Variants in B3GLCT observed in about 807,000 individuals in gnomAD.
B3GLCT encodes beta 3-glucosyltransferase.
In B3GLCT, 65 loss-of-function variants were observed where a neutral mutation model predicts 63.4. The observed-to-expected ratio is 1.03, with a 90% CI of 0.84 to 1.26. The LOEUF is 1.26. B3GLCT is among the 50% of genes most tolerant of loss of function. B3GLCT has a pLI of 0.00. For missense variants in B3GLCT, 577 were observed against 604.8 expected (o/e 0.95, Z 0.48); for synonymous variants, 233 against 219.2 (o/e 1.06, Z -0.55).
intron 1 of B3GLCT, among the ~76,000 whole-genome samples, chr13:31,201,084 A>G (rs1374924841): frequency 6.6e-6 from 1 of 151,866 alleles, no homozygotes; most frequent in African/African-American, 2.4e-5. Context: ...CTTGAGCGAA[A>G]AATTATTTTT....
At chr13:31,212,267 CTTTTTTTTT>C (rs59719685) in intron 1 of B3GLCT, among the ~76,000 whole-genome samples, 2 of 91,638 alleles carry the variant, frequency 2.2e-5, no homozygotes, top group Non-Finnish European at 4.1e-5. Flanking sequence ...GCATAACTGG[CTTTTTTTTT>C]TTTTTTTTTT....
chr13:31,248,358 C>T (rs1871285558), intron 6 of B3GLCT, among the ~76,000 whole-genome samples: 1 of 152,290 alleles, frequency 6.6e-6, no homozygotes, highest in South Asian at 2.1e-4. Flanking sequence ...ATACTGAGCA[C>T]TGTGGATGGC....
At chr13:31,279,355 C>T (rs192820754) in intron 10 of B3GLCT, among the ~76,000 whole-genome samples, 15 of 152,068 alleles carry the variant, frequency 9.9e-5, no homozygotes, top group African/African-American at 2.9e-4. Flanking sequence ...CAATATTCAA[C>T]GTGAGTCCTT....
intron 6 of B3GLCT, among the ~76,000 whole-genome samples, chr13:31,253,791 G>T (rs1289687279): frequency 1.3e-5 from 2 of 151,624 alleles, no homozygotes; most frequent in Non-Finnish European, 2.9e-5. Context: ...CTGCTAGCCA[G>T]ACTAATAAAG....
intron 1 of B3GLCT, among the ~76,000 whole-genome samples, chr13:31,209,684 C>T (rs971226539): frequency 1.3e-5 from 2 of 152,090 alleles, no homozygotes; most frequent in Admixed American, 6.5e-5. Context: ...GACTGCCAGT[C>T]ATTATCATTG....
chr13:31,201,423 C>T (rs983842808), intron 1 of B3GLCT, among the ~76,000 whole-genome samples: 1 of 152,108 alleles, frequency 6.6e-6, no homozygotes, highest in African/African-American at 2.4e-5. Flanking sequence ...TATTAGGGCA[C>T]CTCCGGCAGA....
rs1200433294 is a variant in B3GLCT, at chr13:31,248,091, CATT to C, written c.459+126_459+128del. The C allele has an allele frequency of 1.7e-4, 107 of 644,190 alleles. No individual in the cohort carries two copies. In the Middle Eastern group the frequency reaches 2.0e-3, roughly 12 times the overall value. The allele number at this position is 644,190 out of a possible 1,614,324, so 39.9% of individuals were successfully genotyped here. A position where few individuals can be genotyped will look rare whatever the true frequency, so the allele number is the denominator to read the frequency against. On this transcript the variant is annotated intron_variant, in intron 6 of 14. Transcript: ENST00000343307. ...TAGTTTAAAATTAAAAAGAATGAAA[CATT>C]GTTGAATATCTGAGATATGTTAAGT...
At chr13:31,301,593 C>T (rs1375886341) in intron 12 of B3GLCT, among the ~76,000 whole-genome samples, 1 of 152,200 alleles carries the variant, frequency 6.6e-6, no homozygotes, top group Admixed American at 6.5e-5. Flanking sequence ...CTTTTCATCC[C>T]CAGATCATTT....
chr13:31,246,179 T>G (rs1247120276), intron 4 of B3GLCT, among the ~76,000 whole-genome samples: 1 of 152,202 alleles, frequency 6.6e-6, no homozygotes, highest in East Asian at 1.9e-4. Flanking sequence ...TATAGTTTTA[T>G]GGCTAGTATA....
intron 1 of B3GLCT, among the ~76,000 whole-genome samples, chr13:31,201,848 A>G (rs901998720): frequency 3.3e-5 from 5 of 152,236 alleles, no homozygotes; most frequent in South Asian, 2.1e-4. Flanking sequence ...AGAGATGTCT[A>G]TTAGCCTTGT....
intron 12 of B3GLCT, among the ~76,000 whole-genome samples, chr13:31,288,780 G>C (rs2137884651): frequency 6.6e-6 from 1 of 152,058 alleles, no homozygotes; most frequent in South Asian, 2.1e-4. Flanking sequence ...TTTAAAAATT[G>C]GAACAACAAT....
rs1266563311 is a variant in B3GLCT at position 31,265,832 on chromosome 13, TGGAAGTGGGACTGAAAAAGTTAGCTA to T, written c.597-3361_597-3336del. 2.6e-4 allele frequency among the ~76,000 whole-genome samples: 40 copies of T among 152,106 alleles called. 1 individual carries two copies. Among genetic ancestry groups the T allele is most frequent in the East Asian group, 1.4e-3 (7 of 5,164 alleles). ...ACAAGTGGGACTGAAAAAGTTAGCC[TGGAAGTGGGACTGAAAAAGTTAGCTA>T]GGAAGTGGGACTGAAAAAGTCAGCT... is the stretch of plus-strand genomic sequence containing the variant. On this transcript the variant is annotated intron_variant, in intron 7 of 14. Coordinates refer to ENST00000343307, the MANE Select transcript of B3GLCT (RefSeq NM_194318.4).
intron 12 of B3GLCT, among the ~76,000 whole-genome samples, chr13:31,309,941 C>A (rs1306906262): frequency 6.6e-6 from 1 of 152,032 alleles, no homozygotes; most frequent in African/African-American, 2.4e-5. Context: ...GTCTTTTGAC[C>A]CACAATCAGA....
At chr13:31,205,001 T>C (rs1356072409) in intron 1 of B3GLCT, among the ~76,000 whole-genome samples, 1 of 152,194 alleles carries the variant, frequency 6.6e-6, no homozygotes, top group African/African-American at 2.4e-5. Context: ...GAATTTTAAG[T>C]GTATAGTTCT....
intron 7 of B3GLCT, among the ~76,000 whole-genome samples, chr13:31,268,617 T>C (rs558287889): frequency 6.8e-4 from 103 of 152,144 alleles, no homozygotes; most frequent in Non-Finnish European, 1.3e-3. Flanking sequence ...GAGAGAACAA[T>C]GGGGAGGTGT....
intron 3 of B3GLCT, 146 bp downstream of exon 3, chr13:31,223,137 T>G: frequency 1.6e-6 from 1 of 642,410 alleles, no homozygotes; most frequent in Non-Finnish European, 2.8e-6. Flanking sequence ...GCCTAACGTT[T>G]GCTCTCCTGA....
chr13:31,246,951 C>CTT (rs66466340), intron 4 of B3GLCT, 72 bp from the exon 5 acceptor site: 9,054 of 775,248 alleles, frequency 0.012, 22 homozygotes, highest in African/African-American at 0.022. Flanking sequence ...CTTTTCTTTT[C>CTT]TTTTTTTTTT....
chr13:31,262,854 A>G (rs1872105351), intron 7 of B3GLCT, among the ~76,000 whole-genome samples: 1 of 152,160 alleles, frequency 6.6e-6, no homozygotes, highest in Non-Finnish European at 1.5e-5. Flanking sequence ...ATAGTATAGA[A>G]AGATTTGGTC....
intron 1 of B3GLCT, 86 bp downstream of exon 1, chr13:31,200,240 A>G (rs1438403952): frequency 2.3e-6 from 2 of 864,754 alleles, no homozygotes; most frequent in East Asian, 1.3e-4. Context: ...GCGGGGAGGG[A>G]GGCGCAGGGC....
Sources: allele counts gnomAD v4.1 joint callset (sites outside exome capture counted in the v4.1 genomes callset), GRCh38; gene constraint gnomAD v4.1.1; transcripts MANE v1.5; gene names NCBI Gene and HGNC (gene_info 2026-07-23, HGNC 2026-07-21).